NRXN3: variants seen among roughly 807,000 people sequenced by gnomAD.
NRXN3 encodes neurexin 3.
A neutral mutation model predicts 137.6 loss-of-function variants in NRXN3; 32 were observed. The observed-to-expected ratio is 0.23, with a 90% confidence interval of 0.18 to 0.31. The LOEUF (loss-of-function observed/expected upper bound fraction) is 0.31, where lower values mean the gene tolerates loss of function less well. Among genes scored for constraint, NRXN3 ranks in the 10% least tolerant of loss-of-function variants. The pLI is 1.00. For missense variants in NRXN3, 1,574 were observed against 2,062.5 expected (o/e 0.76, Z 4.59); for synonymous variants, 798 against 784.5 (o/e 1.02, Z -0.29).
intron 15 of NRXN3, among the ~76,000 whole-genome samples, chr14:79,055,760 G>A (rs934406441): frequency 8.5e-5 from 13 of 152,124 alleles, no homozygotes; most frequent in African/African-American, 2.9e-4. Context: ...TTTAAGTAGG[G>A]AAAGGTGGGC....
intron 3 of NRXN3, among the ~76,000 whole-genome samples, chr14:78,283,870 C>T (rs1314988687): frequency 6.6e-6 from 1 of 152,168 alleles, no homozygotes; most frequent in Non-Finnish European, 1.5e-5. Flanking sequence ...AGCCTCACAG[C>T]CTCTAAAGTG....
chr14:79,175,713 T>C (rs2062266130), intron 15 of NRXN3, among the ~76,000 whole-genome samples: 1 of 152,240 alleles, frequency 6.6e-6, no homozygotes, highest in Non-Finnish European at 1.5e-5. Context: ...GGAAACAGTC[T>C]TCACTGCTTA....
intron 15 of NRXN3, among the ~76,000 whole-genome samples, chr14:79,256,861 GTGTGTGTA>G (rs1347685692): frequency 6.6e-6 from 1 of 152,194 alleles, no homozygotes; most frequent in African/African-American, 2.4e-5. Flanking sequence ...TAAAGTGTGT[GTGTGTGTA>G]TGTGTGTCTG....
chr14:78,479,193 C>T lies in NRXN3; in HGVS notation c.758-165927C>T, dbSNP rs550343877. Among the ~76,000 whole-genome samples the T allele has an allele frequency of 7.9e-5, 12 of 152,280 alleles. No homozygotes were observed. In the South Asian group the frequency reaches 2.5e-3, roughly 32 times the overall value. ...AAAAATTACCAATGCCCAGGACCTT[C>T]CCCCACCTGCTCTCCCAAGAGGCAT... On this transcript the variant is annotated intron_variant, in intron 4 of 20. Coordinates refer to ENST00000335750, the MANE Select transcript of NRXN3 (RefSeq NM_001330195.2).
chr14:78,679,952 T>C (rs538531424), intron 6 of NRXN3, among the ~76,000 whole-genome samples: 6 of 152,320 alleles, frequency 3.9e-5, no homozygotes, highest in African/African-American at 1.4e-4. Context: ...GAAGGATTTC[T>C]ATTGCTCTTT....
At chr14:79,647,302 A>C (rs1030289738) in intron 16 of NRXN3, among the ~76,000 whole-genome samples, 1 of 135,740 alleles carries the variant, frequency 7.4e-6, no homozygotes, top group Non-Finnish European at 1.7e-5. Flanking sequence ...CCTGCATTAA[A>C]TTTTTCTTTA....
intron 16 of NRXN3, among the ~76,000 whole-genome samples, chr14:79,618,379 G>A (rs2098185262): frequency 6.6e-6 from 1 of 151,818 alleles, no homozygotes; most frequent in South Asian, 2.1e-4. Flanking sequence ...GTCTATTGTT[G>A]ACATATTTAT....
chr14:78,569,455 C>T (rs1432482037), intron 4 of NRXN3, among the ~76,000 whole-genome samples: 6 of 150,984 alleles, frequency 4.0e-5, no homozygotes, highest in Admixed American at 3.3e-4. Flanking sequence ...TTAGTAGAGA[C>T]GGGGTTTCAC....
intron 4 of NRXN3, among the ~76,000 whole-genome samples, chr14:78,492,926 T>G (rs547560478): frequency 6.6e-6 from 1 of 152,328 alleles, no homozygotes; most frequent in East Asian, 1.9e-4. Flanking sequence ...AAAACTAGTT[T>G]GGAAATCCTG....
intron 4 of NRXN3, among the ~76,000 whole-genome samples, chr14:78,385,932 G>C (rs555447727): frequency 1.7e-4 from 26 of 152,122 alleles, no homozygotes; most frequent in African/African-American, 5.8e-4. Flanking sequence ...CTTACCCTTT[G>C]ACTCCTGTGA....
At chr14:79,814,444 A>G (rs1378173428) in intron 20 of NRXN3, among the ~76,000 whole-genome samples, 1 of 152,238 alleles carries the variant, frequency 6.6e-6, no homozygotes, top group Admixed American at 6.5e-5. Context: ...ACAAACTTTC[A>G]GTCACATTAT....
At chr14:79,705,340 A>G (rs1203763182) in intron 19 of NRXN3, among the ~76,000 whole-genome samples, 1 of 152,116 alleles carries the variant, frequency 6.6e-6, no homozygotes, top group Non-Finnish European at 1.5e-5. Flanking sequence ...TGCTCTGACC[A>G]TATTTTCCAC....
chr14:79,523,785 G>GT (rs2097093289), intron 16 of NRXN3, among the ~76,000 whole-genome samples: 1 of 152,192 alleles, frequency 6.6e-6, no homozygotes, highest in African/African-American at 2.4e-5. Flanking sequence ...ACAAGAATCT[G>GT]TTTTAGACCC....
rs1054198175 is a variant in NRXN3, at chr14:79,272,579, A to T, written c.3263-194642A>T. The stretch of plus-strand genomic sequence containing the variant: ...TAGAGAAGAAAGAGAGAAAATAAAG[A>T]ATTAAAGAAATAGGAAAGAGAAGTC... On this transcript the variant is annotated intron_variant, in intron 15 of 20. Transcript: ENST00000335750. Among the ~76,000 whole-genome samples the T allele has an allele frequency of 2.6e-5, 4 of 152,220 alleles. No homozygotes were observed. The East Asian group carries it at 5.8e-4, about 22-fold the overall frequency.
At chr14:78,730,483 T>C (rs1285966292) in intron 8 of NRXN3, among the ~76,000 whole-genome samples, 2 of 152,178 alleles carry the variant, frequency 1.3e-5, no homozygotes, top group Non-Finnish European at 2.9e-5. Context: ...GCAGCAATAA[T>C]GTCTATTGTT....
intron 15 of NRXN3, among the ~76,000 whole-genome samples, chr14:79,023,083 T>A (rs1389720315): frequency 6.7e-6 from 1 of 148,440 alleles, no homozygotes; most frequent in East Asian, 2.0e-4. Context: ...GTCATCAGGA[T>A]GGACACTCAG....
intron 1 of NRXN3, among the ~76,000 whole-genome samples, chr14:78,186,319 C>A (rs1283028331): frequency 6.6e-6 from 1 of 152,244 alleles, no homozygotes; most frequent in Non-Finnish European, 1.5e-5. Flanking sequence ...GTGCTTTCTG[C>A]AAAATACCTC....
At chr14:78,399,046 G>A (rs2091794407) in intron 4 of NRXN3, among the ~76,000 whole-genome samples, 1 of 152,130 alleles carries the variant, frequency 6.6e-6, no homozygotes, top group African/African-American at 2.4e-5. Flanking sequence ...TGTCTTCCTG[G>A]TTCTTTGACT....
At chr14:78,670,322 C>A (rs996025915) in intron 6 of NRXN3, among the ~76,000 whole-genome samples, 1 of 152,136 alleles carries the variant, frequency 6.6e-6, no homozygotes, top group Non-Finnish European at 1.5e-5. Flanking sequence ...AATAAACATA[C>A]GTGTGCATGT....
Sources: gnomAD v4.1 joint callset for allele counts (sites outside exome capture counted in the v4.1 genomes callset) on GRCh38, gnomAD v4.1.1 for gene constraint, MANE v1.5 for transcripts, NCBI Gene and HGNC (gene_info 2026-07-23, HGNC 2026-07-21) for gene names.